Variants in ZNF426 observed in about 807,000 individuals in gnomAD.
The protein encoded by ZNF426 is CTC-543D15.7.
Under a neutral mutation model 24.0 loss-of-function variants are expected in ZNF426, and 23 were observed. The ratio of observed to expected loss-of-function variants is 0.96; its 90% CI spans 0.69 to 1.36. ZNF426 has a LOEUF of 1.36. ZNF426 is among the 40% of genes most tolerant of loss of function. ZNF426 has a pLI of 0.00. For missense variants in ZNF426, 646 were observed against 658.4 expected (o/e 0.98, Z 0.21); for synonymous variants, 272 against 224.6 (o/e 1.21, Z -1.89).
At chr19:9,532,682 G>A (rs1599714886) in intron 6 of ZNF426, among the ~76,000 whole-genome samples, 163 bp downstream of exon 6, 1 of 152,130 alleles carries the variant, frequency 6.6e-6, no homozygotes, top group African/African-American at 2.4e-5. Flanking sequence ...AGGGGGGACT[G>A]CTCTGTAAAT....
chr19:9,537,592 CT>C (rs568689139), intron 2 of ZNF426, among the ~76,000 whole-genome samples: 1,467 of 142,570 alleles, frequency 0.01, 18 homozygotes, highest in South Asian at 0.02. Flanking sequence ...ACCCAGCCAG[CT>C]TTTTTTTTTT....
rs751487546 is a variant in ZNF426, at chr19:9,528,874, G to C, written c.1171C>G (p.Pro391Ala). Reference sequence around the variant, plus strand: ...TTCCCACATTCAACACATACAAAAGGCTTCTCTCCAGTGTGAGTTCTTATA... The same window carrying C: ...TTCCCACATTCAACACATACAAAAGCCTTCTCTCCAGTGTGAGTTCTTATA... ...QHIRTHTGEKPFVCVECGKAF... is the reference protein window; with the variant it reads ...QHIRTHTGEKAFVCVECGKAF... Residue 391 changes from proline (P) to alanine (A), a missense_variant, in exon 8 of 8, where the codon CCT (proline) becomes GCT (alanine). By Grantham distance (27) the Pro-to-Ala change is conservative. Coordinates refer to ENST00000253115, the MANE Select transcript of ZNF426 (RefSeq NM_024106.3). The C allele has an allele frequency of 2.5e-6, 4 of 1,614,130 alleles. No individual in the cohort carries two copies. Among genetic ancestry groups the C allele is most frequent in the South Asian group, 1.1e-5 (1 of 91,080 alleles).
Position 9,538,330 on chromosome 19 carries a change from G to GGCA in ZNF426, c.-199_-197dup, listed in dbSNP as rs2144782955. ...GGACGGAGCCAACGCGGATGCAAAA[G>GGCA]GCAGCAATTATTTTCCTGCCGGAAA... On this transcript the variant is annotated 5_prime_UTR_variant, in exon 2 of 8. Transcript: ENST00000253115. 6.6e-6 allele frequency: 1 copy of GGCA among 152,344 alleles called. No homozygotes were observed. Among genetic ancestry groups the GGCA allele is most frequent in the Non-Finnish European group, 1.5e-5 (1 of 68,046 alleles). 9.4% of individuals were successfully genotyped at this position (152,344 alleles called of 1,614,324 possible).
At chr19:9,533,291 C>CA (rs5827064) in intron 5 of ZNF426, among the ~76,000 whole-genome samples, 231 of 137,146 alleles carry the variant, frequency 1.7e-3, no homozygotes, top group Middle Eastern at 0.015. Context: ...TCTAAAAATA[C>CA]AAAAAAAAAA....
At chr19:9,537,934 T>C (rs1195180377) in intron 2 of ZNF426, among the ~76,000 whole-genome samples, 1 of 152,162 alleles carries the variant, frequency 6.6e-6, no homozygotes, top group Non-Finnish European at 1.5e-5. Context: ...ACTAGAATAA[T>C]AAAGCCTTCA....
At chr19:9,529,986 T>A (rs887366580) in intron 7 of ZNF426, among the ~76,000 whole-genome samples, 1 of 152,152 alleles carries the variant, frequency 6.6e-6, no homozygotes, top group Non-Finnish European at 1.5e-5. Context: ...CTGGGCTTGG[T>A]GGCACATGCC....
chr19:9,528,868 C>G lies in ZNF426; in HGVS notation c.1177G>C (p.Val393Leu). 2.5e-6 allele frequency: 4 copies of G among 1,614,170 alleles called. No homozygotes were observed. The highest frequency in any genetic ancestry group is 3.4e-6 in the Non-Finnish European group (4 of 1,180,022). Residue 393 changes from valine to leucine, a missense_variant, in exon 8 of 8, where the codon GTA (valine) becomes CTA (leucine). Transcript: ENST00000253115. Reference protein sequence around the residue: ...IRTHTGEKPFVCVECGKAFAV... With the variant: ...IRTHTGEKPFLCVECGKAFAV... ...AAGGCTTTCCCACATTCAACACATA[C>G]AAAAGGCTTCTCTCCAGTGTGAGTT...
chr19:9,531,404 T>G (rs115510796), intron 6 of ZNF426, among the ~76,000 whole-genome samples: 330 of 152,124 alleles, frequency 2.2e-3, no homozygotes, highest in African/African-American at 7.6e-3. Flanking sequence ...ATGAAAGGAT[T>G]TGGAGAAAGA....
At position 9,528,582 on chromosome 19, in the gene ZNF426, G is replaced by A. The variant is rs2073827342; in HGVS notation, c.1463C>T (p.Ser488Phe). ...CKQCGKAFSH[S>F]SSFQIHERTH... is the part of the protein sequence containing the mutation. ...CCTTTCATGTATTTGAAATGAACTG[G>A]AATGACTGAAGGCCTTTCCACATTG... is the stretch of plus-strand genomic sequence containing the variant. Residue 488 changes from serine to phenylalanine, a missense_variant, in exon 8 of 8, where the codon TCC (serine) becomes TTC (phenylalanine). Transcript: ENST00000253115. The A allele has an allele frequency of 1.2e-6, 2 of 1,613,904 alleles. No homozygotes were observed. Among genetic ancestry groups the A allele is most frequent in the East Asian group, 4.5e-5 (2 of 44,870 alleles).
Position 9,536,236 on chromosome 19 carries a change from G to T in ZNF426, c.-4C>A. 1 of 1,614,158 alleles carries T rather than the reference G, an allele frequency of 6.2e-7. No individual in the cohort carries two copies. The highest frequency in any genetic ancestry group is 2.2e-5 in the East Asian group (1 of 44,882). On this transcript the variant is annotated 5_prime_UTR_variant, in exon 3 of 8. Coordinates refer to ENST00000253115, the MANE Select transcript of ZNF426 (RefSeq NM_024106.3). The stretch of plus-strand genomic sequence containing the variant: ...GGGACAAATCAGCAGCTGCCATCCC[G>T]CGAGGTGAGAACGTGTCAGAACCCT...
At position 9,525,095 on chromosome 19, in the gene ZNF426, A is replaced by G. The variant is rs2073778571; in HGVS notation, c.*3285T>C. The G allele has an allele frequency of 6.6e-6, 1 of 150,802 alleles. No homozygotes were observed. Among genetic ancestry groups the G allele is most frequent in the African/African-American group, 2.4e-5 (1 of 41,072 alleles). 9.3% of individuals were successfully genotyped at this position (150,802 alleles called of 1,614,324 possible). Reference sequence around the variant, plus strand: ...AAACCCCGTCTCTACTAAAAATACAAAAAATTAGCCGGGCGTGGTAGCGGG... The same window carrying G: ...AAACCCCGTCTCTACTAAAAATACAGAAAATTAGCCGGGCGTGGTAGCGGG... On this transcript the variant is annotated 3_prime_UTR_variant, in exon 8 of 8. Coordinates refer to ENST00000253115, the MANE Select transcript of ZNF426 (RefSeq NM_024106.3).
intron 2 of ZNF426, among the ~76,000 whole-genome samples, chr19:9,537,268 A>G (rs533524529): frequency 1.4e-4 from 21 of 152,128 alleles, no homozygotes; most frequent in Non-Finnish European, 2.8e-4. Flanking sequence ...CATGAACCAA[A>G]TTCACAAAAA....
rs2073801368 is a variant in ZNF426 at position 9,527,086 on chromosome 19, T to A, written c.*1294A>T. On this transcript the variant is annotated 3_prime_UTR_variant, in exon 8 of 8. Coordinates refer to ENST00000253115, the MANE Select transcript of ZNF426 (RefSeq NM_024106.3). The stretch of plus-strand genomic sequence containing the variant: ...AGGATTTAGGATTATTTTGATAGTA[T>A]AAGGTACTAACACTACTCAAGAAAC... 6.6e-6 allele frequency: 1 copy of A among 152,164 alleles called. No individual in the cohort carries two copies. The highest frequency in any genetic ancestry group is 6.6e-5 in the Admixed American group (1 of 15,254). The allele number at this position is 152,164 out of a possible 1,614,324, so 9.4% of individuals were successfully genotyped here. A position where few individuals can be genotyped will look rare whatever the true frequency, so the allele number is the denominator to read the frequency against.
chr19:9,525,491 G>C lies in ZNF426; in HGVS notation c.*2889C>G, dbSNP rs1219486099. The stretch of plus-strand genomic sequence containing the variant: ...ATGATGGGTTTTTGTTGTTGTTGTT[G>C]TTGTTGTTGTTTTGAGACAGAGTCT... On this transcript the variant is annotated 3_prime_UTR_variant, in exon 8 of 8. Transcript: ENST00000253115. The C allele has an allele frequency of 6.6e-6, 1 of 152,224 alleles. No homozygotes were observed. Among genetic ancestry groups the C allele is most frequent in the Non-Finnish European group, 1.5e-5 (1 of 68,460 alleles). The allele number at this position is 152,224 out of a possible 1,614,324, so 9.4% of individuals were successfully genotyped here.
chr19:9,523,923 C>T lies in ZNF426; in HGVS notation c.*4457G>A, dbSNP rs2073766596. 6.6e-6 allele frequency: 1 copy of T among 152,238 alleles called. No homozygotes were observed. The highest frequency in any genetic ancestry group is 1.5e-5 in the Non-Finnish European group (1 of 68,066). The allele number at this position is 152,238 out of a possible 1,614,324, so 9.4% of individuals were successfully genotyped here. A position where few individuals can be genotyped will look rare whatever the true frequency, so the allele number is the denominator to read the frequency against. On this transcript the variant is annotated 3_prime_UTR_variant, in exon 8 of 8. Transcript: ENST00000253115. ...GGGGTTTGGGGATCCCTGACCTAGG[C>T]CATTCCACTTATTATAGTCATCAAG...
intron 2 of ZNF426, among the ~76,000 whole-genome samples, chr19:9,536,738 C>G (rs1599721326): frequency 6.6e-6 from 1 of 152,178 alleles, no homozygotes; most frequent in African/African-American, 2.4e-5. Flanking sequence ...GTCAGAGAGG[C>G]AAGGCCAAAC....
rs887926189 is a variant in ZNF426 at position 9,527,396 on chromosome 19, C to T, written c.*984G>A. On this transcript the variant is annotated 3_prime_UTR_variant, in exon 8 of 8. Transcript: ENST00000253115. ...CCAGTATGGTGTATGGGGTCACATT[C>T]CTTGCGTTCACAGTAAAAGAAACTT... 5.9e-5 allele frequency: 9 copies of T among 152,230 alleles called. No homozygotes were observed. The highest frequency in any genetic ancestry group is 2.2e-4 in the African/African-American group (9 of 41,462). The allele number at this position is 152,230 out of a possible 1,614,324, so 9.4% of individuals were successfully genotyped here.
Position 9,529,418 on chromosome 19 carries a change from T to A in ZNF426, c.627A>T (p.Thr209=), listed in dbSNP as rs755928922. 1.2e-6 allele frequency: 2 copies of A among 1,613,756 alleles called. No homozygotes were observed. The highest frequency in any genetic ancestry group is 3.3e-4 in the Middle Eastern group (2 of 6,062). ...FNQSEKIFSL[T]PNIVYQRTST... is the part of the protein sequence containing the mutation. ...TAGTTCTCTGGTATACAATATTTGG[T>A]GTCAGGCTGAAGATTTTTTCACTCT... Residue 209 remains threonine (T), a synonymous_variant, in exon 8 of 8, where the codon ACA becomes ACT. Transcript: ENST00000253115.
chr19:9,524,296 T>C lies in ZNF426; in HGVS notation c.*4084A>G, dbSNP rs2073770139. ...TAGGGTTTCCTGCCACTGTGAATTCTTACAAGTTCATTATGACCTGAGATA... is the reference window on the plus strand; with the variant it reads ...TAGGGTTTCCTGCCACTGTGAATTCCTACAAGTTCATTATGACCTGAGATA... On this transcript the variant is annotated 3_prime_UTR_variant, in exon 8 of 8. Coordinates refer to ENST00000253115, the MANE Select transcript of ZNF426 (RefSeq NM_024106.3). 1 of 152,242 alleles carries C rather than the reference T, an allele frequency of 6.6e-6. No homozygotes were observed. Among genetic ancestry groups the C allele is most frequent in the Admixed American group, 6.5e-5 (1 of 15,288 alleles). The allele number at this position is 152,242 out of a possible 1,614,324, so 9.4% of individuals were successfully genotyped here. A position where few individuals can be genotyped will look rare whatever the true frequency, so the allele number is the denominator to read the frequency against.
Sources: allele counts gnomAD v4.1 joint callset (sites outside exome capture counted in the v4.1 genomes callset), GRCh38; gene constraint gnomAD v4.1.1; transcripts MANE v1.5; gene names NCBI Gene and HGNC (gene_info 2026-07-23, HGNC 2026-07-21).